LIPA: variants seen among roughly 807,000 people sequenced by gnomAD.
LIPA encodes lipase A, lysosomal acid type, also known as lysosomal acid lipase/cholesteryl ester hydrolase.
A neutral mutation model predicts 40.6 loss-of-function variants in LIPA; 26 were observed. The observed-to-expected ratio is 0.64, with a 90% CI of 0.47 to 0.89. The LOEUF (loss-of-function observed/expected upper bound fraction) is 0.89. Ranked by LOEUF, LIPA falls within the 40% of genes least tolerant of loss-of-function variation. The pLI, the probability that LIPA is intolerant of heterozygous loss-of-function variation, is 0.00. For synonymous variants in LIPA, 188 were observed against 168.4 expected, an observed-to-expected ratio of 1.12 and a Z score of -0.90; for missense variants, 455 against 479.6, an observed-to-expected ratio of 0.95 and a Z score of 0.48.
At chr10:89,374,184 C>T (rs961028477) in intron 2 of LIPA, among the ~76,000 whole-genome samples, 6 of 152,206 alleles carry the variant, frequency 3.9e-5, no homozygotes, top group African/African-American at 1.2e-4. Context: ...GCTAGTTCGT[C>T]GAACACAGAG....
intron 8 of LIPA, among the ~76,000 whole-genome samples, chr10:89,222,029 T>C (rs1842705522): frequency 6.6e-6 from 1 of 151,574 alleles, no homozygotes; most frequent in African/African-American, 2.4e-5. Flanking sequence ...ACATCTATCA[T>C]TGGTTTAGCT....
At chr10:89,360,893 T>C (rs1026180532) in intron 2 of LIPA, among the ~76,000 whole-genome samples, 1 of 152,230 alleles carries the variant, frequency 6.6e-6, no homozygotes, top group Non-Finnish European at 1.5e-5. Context: ...AGCAGAGCCA[T>C]GCGCCCTTTG....
chr10:89,413,134 C>T (rs1841489608), intron 1 of LIPA, among the ~76,000 whole-genome samples: 1 of 152,180 alleles, frequency 6.6e-6, no homozygotes, highest in Non-Finnish European at 1.5e-5. Context: ...CATTAGTTTG[C>T]TGAGGATAAT....
chr10:89,411,259 C>G (rs1001009199), intron 2 of LIPA, among the ~76,000 whole-genome samples: 3 of 151,474 alleles, frequency 2.0e-5, no homozygotes, highest in Admixed American at 1.3e-4. Flanking sequence ...CAGGACAGGA[C>G]GGATAGATGG....
At chr10:89,304,761 T>C (rs1843467850) in intron 1 of LIPA, among the ~76,000 whole-genome samples, 1 of 152,144 alleles carries the variant, frequency 6.6e-6, no homozygotes, top group African/African-American at 2.4e-5. Context: ...AGGGGTTTTT[T>C]TGTTGTTGTT....
chr10:89,242,997 C>T (rs888031719), intron 3 of LIPA, among the ~76,000 whole-genome samples: 3 of 152,032 alleles, frequency 2.0e-5, no homozygotes, highest in African/African-American at 7.3e-5. Flanking sequence ...AGAGAGGACC[C>T]GTGGTCAAGA....
chr10:89,357,219 T>C (rs1843993487), intron 2 of LIPA, among the ~76,000 whole-genome samples: 2 of 152,190 alleles, frequency 1.3e-5, no homozygotes, highest in Non-Finnish European at 2.9e-5. Flanking sequence ...TATTATACCA[T>C]AGCAGTGCTA....
At chr10:89,380,550 C>G (rs775687517) in intron 2 of LIPA, among the ~76,000 whole-genome samples, 1 of 151,968 alleles carries the variant, frequency 6.6e-6, no homozygotes, top group East Asian at 1.9e-4. Context: ...GATCCTCCCA[C>G]GTCAGCCCAA....
intron 2 of LIPA, chr10:89,403,053 T>G (rs1201600234): frequency 3.7e-6 from 6 of 1,614,098 alleles, no homozygotes; most frequent in Non-Finnish European, 5.1e-6. Context: ...TGCAGCCAAG[T>G]TTTACCGAAG....
intron 1 of LIPA, among the ~76,000 whole-genome samples, chr10:89,318,009 G>C (rs1356318845): frequency 6.6e-5 from 10 of 150,946 alleles, no homozygotes; most frequent in South Asian, 4.2e-4. Flanking sequence ...TTACAGACAA[G>C]CAAAGGCTGA....
chr10:89,276,481 C>T (rs1284970890), intron 1 of LIPA, among the ~76,000 whole-genome samples: 3 of 152,204 alleles, frequency 2.0e-5, no homozygotes, highest in South Asian at 4.1e-4. Flanking sequence ...AACTATAATA[C>T]ACCAAGTAAT....
intron 1 of LIPA, among the ~76,000 whole-genome samples, chr10:89,266,524 A>G (rs527465438): frequency 9.3e-4 from 142 of 152,354 alleles, no homozygotes; most frequent in Middle Eastern, 3.4e-3. Context: ...TGAAACACAT[A>G]TGAATTTCAT....
At chr10:89,255,752 G>A (rs1159956510), upstream of LIPA, among the ~76,000 whole-genome samples, 2 of 152,082 alleles carry the variant, frequency 1.3e-5, no homozygotes, top group East Asian at 3.9e-4. Flanking sequence ...ACTTGAGAGG[G>A]AAATTAGGAG....
intron 1 of LIPA, among the ~76,000 whole-genome samples, chr10:89,311,670 A>G (rs1322608357): frequency 6.6e-6 from 1 of 152,214 alleles, no homozygotes; most frequent in Non-Finnish European, 1.5e-5. Context: ...ACTAGAGTTC[A>G]CTAGAATATT....
At position 89,275,854 on chromosome 10, in the gene LIPA, G is replaced by A. The variant is rs150849871; in HGVS notation, c.-1-28205C>T. Among the ~76,000 whole-genome samples the A allele has an allele frequency of 3.3e-3, 498 of 152,274 alleles. 1 individual carries two copies. The highest frequency in any genetic ancestry group is 0.017 in the Middle Eastern group (5 of 294). On this transcript the variant is annotated intron_variant, in intron 1 of 5. Transcript: ENST00000282673. ...CAGCTCTAGGGCTATCAGGTGACTTGATGATTGTATGTCCAGATATACCAG... is the reference window on the plus strand; with the variant it reads ...CAGCTCTAGGGCTATCAGGTGACTTAATGATTGTATGTCCAGATATACCAG...
At chr10:89,264,697 G>C (rs1843226152) in intron 1 of LIPA, among the ~76,000 whole-genome samples, 1 of 152,218 alleles carries the variant, frequency 6.6e-6, no homozygotes, top group South Asian at 2.1e-4. Context: ...GGCTCATAAG[G>C]GAGGAAGTGT....
chr10:89,395,189 A>T (rs1378496050), intron 2 of LIPA, among the ~76,000 whole-genome samples: 1 of 79,944 alleles, frequency 1.3e-5, no homozygotes, highest in Non-Finnish European at 2.6e-5. Context: ...CCCCACCCCC[A>T]CCCCACATGG....
intron 1 of LIPA, chr10:89,314,474 C>T (rs1242997075): frequency 1.3e-5 from 2 of 152,278 alleles, no homozygotes; most frequent in African/African-American, 4.8e-5. Context: ...TCGAGACCAT[C>T]CTGGCCAACA....
chr10:89,338,767 G>A (rs1367660420), intron 1 of LIPA: 2 of 1,614,102 alleles, frequency 1.2e-6, no homozygotes, highest in Non-Finnish European at 8.5e-7. Context: ...AGAAGATAGA[G>A]TGTGTAACCA....
Sources: gnomAD v4.1 joint callset for allele counts (sites outside exome capture counted in the v4.1 genomes callset) on GRCh38, gnomAD v4.1.1 for gene constraint, MANE v1.5 for transcripts, NCBI Gene and HGNC (gene_info 2026-07-23, HGNC 2026-07-21) for gene names.